The following CCDC83 variants were observed in gnomAD, a reference collection of about 807,000 sequenced individuals.
CCDC83 encodes the protein coiled-coil domain-containing protein 83.
CCDC83 carries 54 observed loss-of-function variants against 50.1 expected under a neutral mutation model. That is an observed-to-expected ratio of 1.08 (90% CI 0.87 to 1.35). CCDC83 has a LOEUF of 1.35. Ranked by LOEUF, CCDC83 falls within the 40% of genes most tolerant of loss-of-function variation. The pLI is 0.00. For missense variants in CCDC83, 518 were observed against 473.9 expected (o/e 1.09, Z -0.86); for synonymous variants, 161 against 153.3 (o/e 1.05, Z -0.37).
intron 5 of CCDC83, among the ~76,000 whole-genome samples, chr11:85,889,023 C>T (rs79053073): frequency 1.8e-3 from 276 of 152,320 alleles, no homozygotes; most frequent in Middle Eastern, 3.4e-3. Context: ...AAGTGATCTT[C>T]TCATATAAAC....
chr11:85,905,077 A>C (rs1016811745), intron 7 of CCDC83, among the ~76,000 whole-genome samples: 1 of 150,924 alleles, frequency 6.6e-6, no homozygotes, highest in Non-Finnish European at 1.5e-5. Context: ...CAGGCAAATC[A>C]CCTCAGGTCA....
intron 8 of CCDC83, chr11:85,912,893 A>G (rs2093461541): frequency 3.2e-6 from 2 of 631,060 alleles, no homozygotes; most frequent in Non-Finnish European, 2.9e-6. Context: ...TTTTGTTCTG[A>G]CATGGTTGTA....
rs1285946956 is a variant in CCDC83 at position 85,882,555 on chromosome 11, C to G, written c.223C>G (p.Leu75Val). The G allele has an allele frequency of 5.0e-6, 8 of 1,613,854 alleles. No homozygotes were observed. The highest frequency in any genetic ancestry group is 1.6e-4 in the Middle Eastern group (1 of 6,062). Residue 75 changes from leucine (L) to valine (V), a missense_variant, in exon 4 of 11, where the codon CTA becomes GTA. Leu to Val is a conservative substitution (Grantham distance 32). Coordinates refer to ENST00000342404, the MANE Select transcript of CCDC83 (RefSeq NM_001286159.2). ...KEEQIWHIRH[L>V]LKELSEEKAE... is the part of the protein sequence containing the mutation. Reference sequence around the variant, plus strand: ...AGAACAGATTTGGCACATACGGCATCTACTAAAGGAACTGAGTGAAGAGAA... The same window carrying G: ...AGAACAGATTTGGCACATACGGCATGTACTAAAGGAACTGAGTGAAGAGAA...
chr11:85,871,409 A>G (rs551526588), intron 2 of CCDC83, among the ~76,000 whole-genome samples: 23 of 152,256 alleles, frequency 1.5e-4, no homozygotes, highest in Middle Eastern at 3.4e-3. Flanking sequence ...GTTTCATAGT[A>G]TCCAAACGAG....
At chr11:85,912,541 G>A in intron 8 of CCDC83, 1 of 722,596 alleles carries the variant, frequency 1.4e-6, no homozygotes, top group South Asian at 1.6e-5. Flanking sequence ...CTGAACTCCT[G>A]TACTTCCAGT....
At chr11:85,861,825 A>G (rs1178720841) in intron 1 of CCDC83, among the ~76,000 whole-genome samples, 2 of 152,038 alleles carry the variant, frequency 1.3e-5, no homozygotes, top group Admixed American at 6.6e-5. Flanking sequence ...CCTGAGAAAC[A>G]TGGCAAAACC....
At chr11:85,911,959 C>T (rs1056237800) in intron 8 of CCDC83, among the ~76,000 whole-genome samples, 1 of 152,006 alleles carries the variant, frequency 6.6e-6, no homozygotes, top group Non-Finnish European at 1.5e-5. Context: ...TAGCTGTCTT[C>T]CTTATCTGAC....
At chr11:85,916,895 G>A (rs1349483308) in intron 10 of CCDC83, among the ~76,000 whole-genome samples, 2 of 151,954 alleles carry the variant, frequency 1.3e-5, no homozygotes, top group African/African-American at 4.8e-5. Flanking sequence ...CGGATCACCT[G>A]AGATCGGAAA....
chr11:85,868,519 C>T (rs917266329), intron 2 of CCDC83, among the ~76,000 whole-genome samples: 7 of 152,198 alleles, frequency 4.6e-5, no homozygotes, highest in African/African-American at 1.7e-4. Flanking sequence ...GAATTACAGG[C>T]ATGTGCCACC....
chr11:85,905,904 G>C (rs2093423547), intron 7 of CCDC83, among the ~76,000 whole-genome samples: 1 of 144,374 alleles, frequency 6.9e-6, no homozygotes, highest in African/African-American at 2.6e-5. Context: ...GGGAGGTGGA[G>C]CTTGCAGTGA....
At chr11:85,915,758 T>C (rs548744563) in intron 9 of CCDC83, among the ~76,000 whole-genome samples, 1 of 152,340 alleles carries the variant, frequency 6.6e-6, no homozygotes, top group South Asian at 2.1e-4. Flanking sequence ...GACTGCTGTC[T>C]ACACTGGCAA....
intron 5 of CCDC83, among the ~76,000 whole-genome samples, chr11:85,891,531 C>T (rs1472019352): frequency 6.6e-6 from 1 of 152,206 alleles, no homozygotes; most frequent in African/African-American, 2.4e-5. Context: ...TAGATAATTA[C>T]AGTCACAGAG....
At chr11:85,876,611 T>C (rs1426939719) in intron 3 of CCDC83, among the ~76,000 whole-genome samples, 1 of 152,222 alleles carries the variant, frequency 6.6e-6, no homozygotes, top group African/African-American at 2.4e-5. Context: ...TTCGAGGGAT[T>C]CTCGTGCCTC....
intron 3 of CCDC83, among the ~76,000 whole-genome samples, chr11:85,879,780 C>T (rs951817170): frequency 6.6e-6 from 1 of 152,060 alleles, no homozygotes; most frequent in South Asian, 2.1e-4. Flanking sequence ...CCACCATGCC[C>T]GGCTAATTTT....
chr11:85,865,515 G>C (rs2093201752), intron 2 of CCDC83, among the ~76,000 whole-genome samples: 1 of 152,156 alleles, frequency 6.6e-6, no homozygotes. Context: ...TTGTTTATTG[G>C]TTACTCTCAC....
chr11:85,880,969 A>G (rs2093296265), intron 3 of CCDC83, among the ~76,000 whole-genome samples: 1 of 152,098 alleles, frequency 6.6e-6, no homozygotes, highest in African/African-American at 2.4e-5. Flanking sequence ...CCCCTTGGGG[A>G]TGCTGAATAA....
chr11:85,881,014 C>T (rs1449017046), intron 3 of CCDC83, among the ~76,000 whole-genome samples: 2 of 152,114 alleles, frequency 1.3e-5, no homozygotes, highest in Admixed American at 1.3e-4. Flanking sequence ...TGACTGCAAC[C>T]TGTCACATGA....
intron 2 of CCDC83, among the ~76,000 whole-genome samples, chr11:85,872,027 G>C (rs764727566): frequency 3.3e-5 from 5 of 152,036 alleles, no homozygotes; most frequent in Admixed American, 3.3e-4. Flanking sequence ...ATCTTGGTTT[G>C]CTGCAACCTC....
At chr11:85,871,704 T>C (rs761846688) in intron 2 of CCDC83, among the ~76,000 whole-genome samples, 19 of 152,308 alleles carry the variant, frequency 1.2e-4, no homozygotes, top group Non-Finnish European at 2.1e-4. Context: ...GCCCAGGGAA[T>C]TGACTTGCCT....
Sources: gnomAD v4.1 joint callset for allele counts (sites outside exome capture counted in the v4.1 genomes callset) on GRCh38, gnomAD v4.1.1 for gene constraint, MANE v1.5 for transcripts, NCBI Gene and HGNC (gene_info 2026-07-23, HGNC 2026-07-21) for gene names.